The following SRFBP1 variants were observed in gnomAD, a reference collection of about 807,000 sequenced individuals.
SRFBP1 encodes the protein serum response factor-binding protein 1.
A neutral mutation model predicts 45.5 loss-of-function variants in SRFBP1; 47 were observed. The ratio of observed to expected loss-of-function variants is 1.03; its 90% CI spans 0.82 to 1.32. The LOEUF is 1.32. Among genes scored for constraint, SRFBP1 ranks in the 40% most tolerant of loss-of-function variants. The pLI is 0.00. For synonymous variants in SRFBP1, 203 were observed against 166.3 expected (o/e 1.22, Z -1.70); for missense variants, 621 against 484.6 (o/e 1.28, Z -2.64).
At chr5:122,002,641 T>C (rs763862474) in intron 4 of SRFBP1, among the ~76,000 whole-genome samples, 4 of 152,198 alleles carry the variant, frequency 2.6e-5, no homozygotes, top group Admixed American at 1.3e-4. Context: ...GCAGTAATTA[T>C]GTGAGATGTG....
intron 4 of SRFBP1, among the ~76,000 whole-genome samples, chr5:122,007,961 A>G (rs1391353476): frequency 6.6e-6 from 1 of 150,890 alleles, no homozygotes; most frequent in East Asian, 2.0e-4. Context: ...AGTTGTAAGA[A>G]CCACTTCGGT....
chr5:122,000,054 TATCTC>T (rs1752824282), intron 4 of SRFBP1, among the ~76,000 whole-genome samples: 1 of 152,104 alleles, frequency 6.6e-6, no homozygotes, highest in Non-Finnish European at 1.5e-5. Flanking sequence ...ATGAGCATCT[TATCTC>T]TTCTATTGAC....
chr5:122,077,083 A>C, downstream of SRFBP1: 4 of 1,556,882 alleles, frequency 2.6e-6, no homozygotes, highest in South Asian at 3.5e-5. This position sits in a 1 kb window ranked among gnomAD's most constrained non-coding sequence, Gnocchi z 4.9. Flanking sequence ...TAGGTCCCTT[A>C]CTCCTCACCC....
chr5:121,969,132 C>G (rs1752137026), intron 1 of SRFBP1, among the ~76,000 whole-genome samples: 1 of 152,100 alleles, frequency 6.6e-6, no homozygotes, highest in Non-Finnish European at 1.5e-5. Context: ...AGAAATAGAG[C>G]TCATTCTCTA....
chr5:121,974,429 G>T, intron 2 of SRFBP1, 145 bp downstream of exon 2: 1 of 586,588 alleles, frequency 1.7e-6, no homozygotes, highest in South Asian at 2.0e-5. Flanking sequence ...GAGATGATGT[G>T]AGTGAGATAG....
chr5:122,073,800 C>T (rs1754528032), intron 2 of SRFBP1, among the ~76,000 whole-genome samples: 1 of 152,080 alleles, frequency 6.6e-6, no homozygotes. Flanking sequence ...CAACATGGAC[C>T]TCAAATTGAA....
chr5:121,985,411 G>A lies in SRFBP1; in HGVS notation c.199-9188G>A, dbSNP rs569210774. On this transcript the variant is annotated intron_variant, in intron 3 of 7. Coordinates refer to ENST00000339397, the MANE Select transcript of SRFBP1 (RefSeq NM_152546.3). ...ACAAAGCTTTTAGATTATTTTGTTA[G>A]TTTCTATTCATGAAGTCTGTGTAAA... 4.6e-5 allele frequency among the ~76,000 whole-genome samples: 7 copies of A among 151,448 alleles called. No homozygotes were observed. The South Asian group carries it at 1.5e-3, about 32-fold the overall frequency.
At chr5:122,001,493 G>A (rs1752867610) in intron 4 of SRFBP1, among the ~76,000 whole-genome samples, 2 of 148,038 alleles carry the variant, frequency 1.4e-5, no homozygotes, top group Non-Finnish European at 3.0e-5. Flanking sequence ...AATGAAAACA[G>A]CTACTGTGGG....
intron 7 of SRFBP1, among the ~76,000 whole-genome samples, chr5:122,023,749 G>C (rs1437795185): frequency 6.6e-6 from 1 of 152,132 alleles, no homozygotes; most frequent in Non-Finnish European, 1.5e-5. Context: ...GTTCAGCAGA[G>C]GTTTTTTCCA....
intron 4 of SRFBP1, among the ~76,000 whole-genome samples, chr5:121,995,142 C>T (rs1752695791): frequency 6.6e-6 from 1 of 151,584 alleles, no homozygotes; most frequent in Admixed American, 6.6e-5. Context: ...AGGAATTGAA[C>T]TCAGCTCTGC....
intron 2 of SRFBP1, among the ~76,000 whole-genome samples, chr5:122,036,317 A>G (rs539845609): frequency 7.2e-5 from 11 of 152,192 alleles, no homozygotes; most frequent in Non-Finnish European, 1.6e-4. Flanking sequence ...CAGGTGATTT[A>G]TATCTATGTG....
intron 7 of SRFBP1, among the ~76,000 whole-genome samples, chr5:122,025,755 G>A (rs1459207113): frequency 6.6e-6 from 1 of 152,150 alleles, no homozygotes; most frequent in Non-Finnish European, 1.5e-5. Context: ...CCCAAACAGT[G>A]CACTGGTTTA....
chr5:122,022,880 A>G (rs1329184397), intron 7 of SRFBP1, among the ~76,000 whole-genome samples: 1 of 152,232 alleles, frequency 6.6e-6, no homozygotes, highest in African/African-American at 2.4e-5. Context: ...AACTTAACAT[A>G]GCAAAAATTC....
At chr5:122,077,142 G>A (rs1282576565), downstream of SRFBP1, 8 of 1,469,092 alleles carry the variant, frequency 5.4e-6, no homozygotes, top group Middle Eastern at 2.4e-4. This position sits in a 1 kb window ranked among gnomAD's most constrained non-coding sequence, Gnocchi z 4.9. Flanking sequence ...AAGAGAACTG[G>A]GGACGCCCGG....
At chr5:121,995,892 C>T (rs1752716407) in intron 4 of SRFBP1, among the ~76,000 whole-genome samples, 1 of 152,116 alleles carries the variant, frequency 6.6e-6, no homozygotes. Context: ...CACCTCTACG[C>T]AAATAAATTA....
At position 122,035,969 on chromosome 5, in the gene SRFBP1, C is replaced by T. The variant is rs1436122681; in HGVS notation, n.311+13562C>T. 4.6e-5 allele frequency among the ~76,000 whole-genome samples: 7 copies of T among 152,320 alleles called. No individual in the cohort carries two copies. In the East Asian group the frequency reaches 1.4e-3, roughly 29 times the overall value. On this transcript the variant is annotated intron_variant and non_coding_transcript_variant, in intron 2 of 2. Coordinates refer to the SRFBP1 transcript ENST00000504881. ...AGTCAAGTTCAATACTCCTCTCCTA[C>T]AGTGAATCTACAGGTATCAAACAAA...
chr5:121,962,612 T>G (rs1287160249), intron 1 of SRFBP1, among the ~76,000 whole-genome samples: 1 of 152,218 alleles, frequency 6.6e-6, no homozygotes, highest in East Asian at 1.9e-4. Flanking sequence ...AAAGAGCTGT[T>G]TATACTTGCT....
At chr5:122,007,576 C>T (rs1753004360) in intron 4 of SRFBP1, among the ~76,000 whole-genome samples, 1 of 152,024 alleles carries the variant, frequency 6.6e-6, no homozygotes, top group East Asian at 1.9e-4. Flanking sequence ...GAGGCTAGGT[C>T]CACAAAAGCT....
At chr5:122,033,734 C>T (rs547858693) in intron 2 of SRFBP1, among the ~76,000 whole-genome samples, 13 of 150,438 alleles carry the variant, frequency 8.6e-5, no homozygotes, top group African/African-American at 2.7e-4. Flanking sequence ...GCTGGGATTA[C>T]ATGTGTGAGC....
Sources: allele counts gnomAD v4.1 joint callset (sites outside exome capture counted in the v4.1 genomes callset), GRCh38; gene constraint gnomAD v4.1.1; non-coding constraint Gnocchi (gnomAD v3.1); transcripts MANE v1.5; gene names NCBI Gene and HGNC (gene_info 2026-07-23, HGNC 2026-07-21).